GRIK3: variants seen among roughly 807,000 people sequenced by gnomAD.
GRIK3 encodes the protein glutamate ionotropic receptor kainate type subunit 3.
In GRIK3, 29 loss-of-function variants were observed where a neutral mutation model predicts 102.5. The observed-to-expected ratio is 0.28, with a 90% confidence interval of 0.21 to 0.39. GRIK3 has a LOEUF of 0.39. GRIK3 is among the 10% of genes least tolerant of loss of function. The pLI, the probability that GRIK3 is intolerant of heterozygous loss-of-function variation, is 1.00. For synonymous variants in GRIK3, 511 were observed against 504.9 expected, an observed-to-expected ratio of 1.01 and a Z score of -0.16; for missense variants, 908 against 1,252.4, an observed-to-expected ratio of 0.73 and a Z score of 4.15.
chr1:37,027,192 C>T (rs1341863525), intron 1 of GRIK3, among the ~76,000 whole-genome samples: 2 of 152,050 alleles, frequency 1.3e-5, no homozygotes, highest in South Asian at 2.1e-4. Context: ...CAGTGTGGAC[C>T]CTGGAGGCGA....
chr1:36,954,433 CGGG>C (rs1557438938), intron 1 of GRIK3, among the ~76,000 whole-genome samples: 1 of 152,176 alleles, frequency 6.6e-6, no homozygotes, highest in African/African-American at 2.4e-5. Flanking sequence ...AGGTCATCTG[CGGG>C]AGAAGTGAGA....
intron 10 of GRIK3, among the ~76,000 whole-genome samples, chr1:36,835,541 C>T (rs931354351): frequency 3.3e-5 from 5 of 152,224 alleles, no homozygotes; most frequent in Middle Eastern, 3.2e-3. Flanking sequence ...CTCCACATCC[C>T]TTGCCCTTGG....
intron 1 of GRIK3, among the ~76,000 whole-genome samples, chr1:36,893,276 CAT>C (rs1443170072): frequency 1.3e-5 from 2 of 151,976 alleles, no homozygotes; most frequent in African/African-American, 4.8e-5. Flanking sequence ...ATATTTGTAA[CAT>C]ATGTGGGAGC....
At chr1:36,995,276 G>T (rs1642408355) in intron 1 of GRIK3, among the ~76,000 whole-genome samples, 1 of 152,144 alleles carries the variant, frequency 6.6e-6, no homozygotes, top group Non-Finnish European at 1.5e-5. Context: ...AGTCACCACA[G>T]ATTGATCATG....
chr1:36,881,490 C>T (rs1298372774), intron 2 of GRIK3, among the ~76,000 whole-genome samples: 1 of 152,144 alleles, frequency 6.6e-6, no homozygotes, highest in Non-Finnish European at 1.5e-5. Flanking sequence ...ATGGTTCTGT[C>T]TTGATTCTTC....
chr1:36,908,652 TA>T (rs1641311722), intron 1 of GRIK3, among the ~76,000 whole-genome samples: 1 of 152,234 alleles, frequency 6.6e-6, no homozygotes, highest in South Asian at 2.1e-4. Flanking sequence ...CGCATAATCT[TA>T]ATCATGATTG....
intron 2 of GRIK3, among the ~76,000 whole-genome samples, chr1:36,887,810 A>T (rs200965101): frequency 0.022 from 14 of 650 alleles, no homozygotes; most frequent in South Asian, 0.05. Flanking sequence ...AGAGAGAGTG[A>T]GAGAGAGAGA....
intron 13 of GRIK3, among the ~76,000 whole-genome samples, chr1:36,807,187 T>C (rs56017221): frequency 0.035 from 5,392 of 152,088 alleles, 151 homozygotes; most frequent in Non-Finnish European, 0.055. Context: ...TAAGACCAGG[T>C]CCAGTTGGTA....
chr1:36,819,684 C>G lies in GRIK3; in HGVS notation c.1873+52G>C. On this transcript the variant is annotated intron_variant, in intron 12 of 15. Transcript: ENST00000373091. The surrounding 1 kb of genome is among the most constrained non-coding windows in gnomAD (Gnocchi z 4.1). The stretch of plus-strand genomic sequence containing the variant: ...TGCTGATGCCAAAGAGGCTGAAGAC[C>G]GCTTGGGGAAAGCAGACCCTGGAAG... 1 of 953,638 alleles carries G rather than the reference C, an allele frequency of 1.0e-6. No homozygotes were observed. 59.1% of individuals were successfully genotyped at this position (953,638 alleles called of 1,614,324 possible).
At chr1:36,989,909 T>C (rs1195090900) in intron 1 of GRIK3, among the ~76,000 whole-genome samples, 1 of 152,188 alleles carries the variant, frequency 6.6e-6, no homozygotes, top group Non-Finnish European at 1.5e-5. Context: ...CTCCCAGACA[T>C]TATTCCTTTT....
intron 1 of GRIK3, among the ~76,000 whole-genome samples, chr1:36,953,112 T>C (rs1641864722): frequency 6.6e-6 from 1 of 152,114 alleles, no homozygotes; most frequent in African/African-American, 2.4e-5. Context: ...CACACGTCTG[T>C]TGGGCTCCAT....
intron 9 of GRIK3, among the ~76,000 whole-genome samples, chr1:36,842,228 G>A (rs1024220196): frequency 6.6e-6 from 1 of 152,150 alleles, no homozygotes; most frequent in Non-Finnish European, 1.5e-5. Flanking sequence ...CTTTGAACTG[G>A]AGACCCATCC....
chr1:37,033,232 C>T (rs1642847676), intron 1 of GRIK3, among the ~76,000 whole-genome samples: 1 of 152,244 alleles, frequency 6.6e-6, no homozygotes, highest in Non-Finnish European at 1.5e-5. Context: ...CCGCGCGCAG[C>T]CCCGCCAGCC....
At chr1:36,940,616 C>T (rs1037336911) in intron 1 of GRIK3, among the ~76,000 whole-genome samples, 1 of 152,160 alleles carries the variant, frequency 6.6e-6, no homozygotes, top group African/African-American at 2.4e-5. Flanking sequence ...CCTCAGAAAA[C>T]CTTGGGGCCT....
intron 9 of GRIK3, among the ~76,000 whole-genome samples, chr1:36,842,548 C>G (rs1230126716): frequency 6.6e-6 from 1 of 152,238 alleles, no homozygotes; most frequent in Non-Finnish European, 1.5e-5. Flanking sequence ...ATGCCGTTCT[C>G]TCTTTCCAAG....
rs1019844422 is a variant in GRIK3 at position 36,814,607 on chromosome 1, C to T, written c.2091+2453G>A. Among the ~76,000 whole-genome samples the T allele has an allele frequency of 4.7e-5, 7 of 149,952 alleles. No individual in the cohort carries two copies. In the South Asian group the frequency reaches 1.3e-3, roughly 27 times the overall value. On this transcript the variant is annotated intron_variant, in intron 13 of 15. Transcript: ENST00000373091. ...ACATGCATGGATCATTATACATGCA[C>T]ACACAGATACATATGTATGCACAGG...
intron 1 of GRIK3, among the ~76,000 whole-genome samples, chr1:37,019,686 G>C (rs755859197): frequency 1.2e-4 from 19 of 152,126 alleles, no homozygotes; most frequent in Non-Finnish European, 2.4e-4. Context: ...AATGTTTGGT[G>C]AATCAATGAG....
chr1:37,022,492 A>G (rs1642725442), intron 1 of GRIK3, among the ~76,000 whole-genome samples: 1 of 152,240 alleles, frequency 6.6e-6, no homozygotes, highest in South Asian at 2.1e-4. Flanking sequence ...CAATGAATGT[A>G]AAGTCCAATC....
chr1:37,021,729 G>A (rs1187644505), intron 1 of GRIK3, among the ~76,000 whole-genome samples: 1 of 152,170 alleles, frequency 6.6e-6, no homozygotes, highest in East Asian at 1.9e-4. Flanking sequence ...GGAGGGGCCT[G>A]GCCTCAGGGG....
Sources: gnomAD v4.1 joint callset for allele counts (sites outside exome capture counted in the v4.1 genomes callset) on GRCh38, gnomAD v4.1.1 for gene constraint, Gnocchi (gnomAD v3.1) non-coding constraint, MANE v1.5 for transcripts, NCBI Gene and HGNC (gene_info 2026-07-23, HGNC 2026-07-21) for gene names.